Variants in SLC26A7 observed in about 807,000 individuals in gnomAD.
SLC26A7 encodes anion exchange transporter.
In SLC26A7, 59 loss-of-function variants were observed where a neutral mutation model predicts 82.5. That is an observed-to-expected ratio of 0.72 (90% confidence interval 0.58 to 0.89). The LOEUF (loss-of-function observed/expected upper bound fraction) is 0.89. SLC26A7 is among the 40% of genes least tolerant of loss of function. SLC26A7 has a pLI of 0.00. For synonymous variants in SLC26A7, 271 were observed against 274.3 expected, an observed-to-expected ratio of 0.99 and a Z score of 0.12; for missense variants, 820 against 793.0, an observed-to-expected ratio of 1.03 and a Z score of -0.41.
chr8:91,227,947 A>G (rs968238585), intron 2 of SLC26A7, among the ~76,000 whole-genome samples: 2 of 152,182 alleles, frequency 1.3e-5, no homozygotes, highest in Admixed American at 1.3e-4. Context: ...CTCTTGCTAA[A>G]GAACTGTTTT....
intron 15 of SLC26A7, among the ~76,000 whole-genome samples, chr8:91,374,564 A>G (rs1326745559): frequency 2.0e-5 from 3 of 152,004 alleles, no homozygotes; most frequent in Non-Finnish European, 2.9e-5. Flanking sequence ...ATTGATTTAC[A>G]CTTTTATCCC....
chr8:91,236,033 C>G (rs936501136), intron 2 of SLC26A7, among the ~76,000 whole-genome samples: 1 of 152,158 alleles, frequency 6.6e-6, no homozygotes, highest in Admixed American at 6.5e-5. Flanking sequence ...TCTCTCATCT[C>G]TTCGAAAAGC....
intron 15 of SLC26A7, among the ~76,000 whole-genome samples, chr8:91,379,470 T>A (rs915549219): frequency 2.0e-5 from 3 of 152,010 alleles, no homozygotes; most frequent in African/African-American, 7.2e-5. Flanking sequence ...AATAAATAGG[T>A]CAATATGACA....
chr8:91,368,199 A>G (rs1025846068), intron 14 of SLC26A7, among the ~76,000 whole-genome samples: 5 of 152,236 alleles, frequency 3.3e-5, no homozygotes, highest in African/African-American at 7.2e-5. Context: ...ATTTATCAAC[A>G]TGTTTACTCT....
intron 4 of SLC26A7, 63 bp downstream of exon 4, chr8:91,295,766 T>A: frequency 6.7e-7 from 1 of 1,486,932 alleles, no homozygotes; most frequent in Non-Finnish European, 9.1e-7. Context: ...AGGCAGCTGG[T>A]GTTTTATTTT....
intron 11 of SLC26A7, among the ~76,000 whole-genome samples, chr8:91,354,976 T>C (rs1271053249): frequency 6.6e-6 from 1 of 152,140 alleles, no homozygotes; most frequent in African/African-American, 2.4e-5. Flanking sequence ...ACCAAGTAGT[T>C]TTCCCAGAAC....
chr8:91,354,775 T>C (rs190826571), intron 11 of SLC26A7, among the ~76,000 whole-genome samples: 3 of 152,268 alleles, frequency 2.0e-5, no homozygotes, highest in Non-Finnish European at 2.9e-5. Context: ...CATTATATAA[T>C]GTGGATCAGT....
At chr8:91,374,779 C>T (rs1586467760) in intron 15 of SLC26A7, among the ~76,000 whole-genome samples, 1 of 151,898 alleles carries the variant, frequency 6.6e-6, no homozygotes, top group African/African-American at 2.4e-5. Context: ...ATCCAGAGTT[C>T]CTTTGTTAGT....
intron 9 of SLC26A7, among the ~76,000 whole-genome samples, chr8:91,351,418 T>C (rs1014923102): frequency 6.6e-5 from 10 of 152,238 alleles, no homozygotes; most frequent in African/African-American, 1.9e-4. Context: ...CAGTTATTGC[T>C]CAAACAACCT....
chr8:91,363,628 T>G (rs966351893), intron 13 of SLC26A7, 90 bp downstream of exon 13: 14 of 712,436 alleles, frequency 2.0e-5, no homozygotes, highest in Non-Finnish European at 2.9e-5. Context: ...AGATAAATTA[T>G]GATAGTTAAA....
intron 2 of SLC26A7, among the ~76,000 whole-genome samples, chr8:91,285,862 T>C (rs1191020085): frequency 6.6e-6 from 1 of 152,232 alleles, no homozygotes; most frequent in Non-Finnish European, 1.5e-5. Context: ...AGGGGTTTTC[T>C]ATGTGTAATT....
chr8:91,346,877 C>A (rs1352675284), intron 9 of SLC26A7, among the ~76,000 whole-genome samples: 1 of 152,142 alleles, frequency 6.6e-6, no homozygotes, highest in Non-Finnish European at 1.5e-5. Context: ...GCTGCCTTTC[C>A]CTTCCTCTCT....
intron 5 of SLC26A7, among the ~76,000 whole-genome samples, chr8:91,320,296 T>C (rs917206655): frequency 2.6e-5 from 4 of 152,134 alleles, no homozygotes; most frequent in African/African-American, 9.7e-5. Flanking sequence ...CTTAAAAACT[T>C]TACGGTGAAA....
At chr8:91,275,319 G>A (rs1233799896) in intron 2 of SLC26A7, among the ~76,000 whole-genome samples, 3 of 152,074 alleles carry the variant, frequency 2.0e-5, no homozygotes, top group Admixed American at 2.0e-4. Context: ...ATTTTTTTGA[G>A]ACAGTGTCTT....
chr8:91,245,030 T>C (rs988056544), upstream of SLC26A7, among the ~76,000 whole-genome samples: 1 of 152,216 alleles, frequency 6.6e-6, no homozygotes, highest in Admixed American at 6.5e-5. Context: ...CTGGTTGGCC[T>C]ATCATGAGAA....
intron 4 of SLC26A7, among the ~76,000 whole-genome samples, chr8:91,315,981 A>G (rs1188232720): frequency 6.6e-6 from 1 of 152,214 alleles, no homozygotes; most frequent in Non-Finnish European, 1.5e-5. Flanking sequence ...TAGGTTTTCT[A>G]TCATCACAAA....
intron 5 of SLC26A7, among the ~76,000 whole-genome samples, chr8:91,329,430 C>G (rs570012066): frequency 1.3e-5 from 2 of 152,208 alleles, no homozygotes; most frequent in East Asian, 1.9e-4. Context: ...CTATCCACCC[C>G]CTTGTTCTTC....
At chr8:91,274,510 T>G (rs1282419788) in intron 2 of SLC26A7, among the ~76,000 whole-genome samples, 1 of 151,954 alleles carries the variant, frequency 6.6e-6, no homozygotes, top group African/African-American at 2.4e-5. Flanking sequence ...GAAAGAGAGA[T>G]AGAGAGCACC....
chr8:91,358,878 C>T (rs919793036), intron 11 of SLC26A7, among the ~76,000 whole-genome samples: 1 of 151,922 alleles, frequency 6.6e-6, no homozygotes, highest in African/African-American at 2.4e-5. Flanking sequence ...GGGAATTGAA[C>T]AATGAGAACA....
Sources: gnomAD v4.1 joint callset for allele counts (sites outside exome capture counted in the v4.1 genomes callset) on GRCh38, gnomAD v4.1.1 for gene constraint, MANE v1.5 for transcripts, NCBI Gene and HGNC (gene_info 2026-07-23, HGNC 2026-07-21) for gene names.